The following PCDHGA4 variants were observed in gnomAD, a reference collection of about 807,000 sequenced individuals.
The protein encoded by PCDHGA4 is protocadherin gamma subfamily A, 4.
In PCDHGA4, 38 loss-of-function variants were observed where a neutral mutation model predicts 54.6. The observed-to-expected ratio is 0.70, with a 90% CI of 0.54 to 0.91. The LOEUF is 0.91. PCDHGA4 is among the 40% of genes least tolerant of loss of function. PCDHGA4 has a pLI of 0.00. For missense variants in PCDHGA4, 1,298 were observed against 1,220.9 expected (o/e 1.06, Z -0.94); for synonymous variants, 511 against 512.9 (o/e 1.00, Z 0.05).
chr5:141,403,210 C>A (rs369033480), intron 1 of PCDHGA4: 2 of 1,613,828 alleles, frequency 1.2e-6, no homozygotes, highest in African/African-American at 2.7e-5. Context: ...CCTTGGTCAC[C>A]GCGGGTAGGA....
At chr5:141,416,698 A>G (rs2096053724) in intron 1 of PCDHGA4, 1 of 152,250 alleles carries the variant, frequency 6.6e-6, no homozygotes, top group Non-Finnish European at 1.5e-5. Context: ...TAAACAAAGG[A>G]TCATTGGAGG....
chr5:141,376,710 C>A lies in PCDHGA4; in HGVS notation c.2514+19089C>A, dbSNP rs967144900. 118 of 619,882 alleles carry A rather than the reference C, an allele frequency of 1.9e-4. No individual in the cohort carries two copies. The East Asian group carries it at 3.7e-3, about 19-fold the overall frequency. 38.4% of individuals were successfully genotyped at this position (619,882 alleles called of 1,614,324 possible). Reference sequence around the variant, plus strand: ...TTTTTTTTTTTTTGAGACGGAGTCTCGCTCTGTCGCCCAGGCCGGACTGCG... The same window carrying A: ...TTTTTTTTTTTTTGAGACGGAGTCTAGCTCTGTCGCCCAGGCCGGACTGCG... On this transcript the variant is annotated intron_variant, in intron 1 of 3. Transcript: ENST00000571252.
chr5:141,427,224 A>G (rs1269896138), intron 1 of PCDHGA4: 1 of 456,768 alleles, frequency 2.2e-6, no homozygotes, highest in East Asian at 6.9e-5. Context: ...TAGCAGTTAT[A>G]CCATGAGAGT....
chr5:141,443,308 C>T (rs1484035480), intron 1 of PCDHGA4, among the ~76,000 whole-genome samples: 7 of 136,252 alleles, frequency 5.1e-5, no homozygotes, highest in African/African-American at 2.2e-4. Context: ...TGGCAAAAAC[C>T]CATCTCTACA....
chr5:141,371,799 GCCT>G, intron 1 of PCDHGA4: 21 of 1,613,926 alleles, frequency 1.3e-5, no homozygotes, highest in Non-Finnish European at 1.7e-5. Context: ...TCCGCCTGGA[GCCT>G]CCATTGCGCA....
At chr5:141,372,605 T>G in intron 1 of PCDHGA4, 5 of 1,614,050 alleles carry the variant, frequency 3.1e-6, no homozygotes, top group Non-Finnish European at 4.2e-6. Flanking sequence ...AGACTGTACC[T>G]GGAGTTCTCC....
chr5:141,366,115 C>T (rs1764340105), intron 1 of PCDHGA4: 1 of 1,614,120 alleles, frequency 6.2e-7, no homozygotes, highest in Non-Finnish European at 8.5e-7. Context: ...TAGCGGTGGA[C>T]AAAGATTCAG....
rs765535731 is a variant in PCDHGA4, at chr5:141,427,976, G to T, written c.2515-66831G>T. On this transcript the variant is annotated intron_variant, in intron 1 of 3. Transcript: ENST00000571252. ...ATGTGCCGCGGGTGCTGTACCCCGC[G>T]CTGGGGCCCGATGGCTCCGCACTCT... 1.1e-5 allele frequency: 17 copies of T among 1,594,884 alleles called. No individual in the cohort carries two copies. The East Asian group carries it at 1.6e-4, about 15-fold the overall frequency.
chr5:141,365,591 A>C (rs1341115050), intron 1 of PCDHGA4: 1 of 1,613,546 alleles, frequency 6.2e-7, no homozygotes, highest in African/African-American at 1.3e-5. Context: ...TTATAATATC[A>C]CTTTAACCGT....
Position 141,491,987 on chromosome 5 carries a change from T to A in PCDHGA4, c.2515-2820T>A. The A allele has an allele frequency of 1.4e-6, 1 of 736,922 alleles. No individual in the cohort carries two copies. The highest frequency in any genetic ancestry group is 2.0e-6 in the Non-Finnish European group (1 of 490,378). The allele number at this position is 736,922 out of a possible 1,614,324, so 45.6% of individuals were successfully genotyped here. On this transcript the variant is annotated intron_variant, in intron 1 of 3. Coordinates refer to ENST00000571252, the MANE Select transcript of PCDHGA4 (RefSeq NM_018917.4). The surrounding 1 kb of genome is among the most constrained non-coding windows in gnomAD (Gnocchi z 6.9). ...GCCGGGGCCTCCTTCGAGCTTCCGG[T>A]GAATTTCGGGCGATTTCCGCGGGTG...
rs764070772 is a variant in PCDHGA4, at chr5:141,476,415, C to T, written c.2515-18392C>T. ...CTGGATCGAGAGGAGCTGTGTGGGACACTGCCCTCTTGCACTGTAACTCTG... is the reference window on the plus strand; with the variant it reads ...CTGGATCGAGAGGAGCTGTGTGGGATACTGCCCTCTTGCACTGTAACTCTG... On this transcript the variant is annotated intron_variant, in intron 1 of 3. Transcript: ENST00000571252. This position sits in a 1 kb window ranked among gnomAD's most constrained non-coding sequence, Gnocchi z 7.6. 2.5e-6 allele frequency: 4 copies of T among 1,614,098 alleles called. No homozygotes were observed. The South Asian group carries it at 4.4e-5, about 18-fold the overall frequency.
chr5:141,400,267 T>C (rs749494967), intron 1 of PCDHGA4: 4 of 1,614,030 alleles, frequency 2.5e-6, no homozygotes, highest in Middle Eastern at 1.6e-4. Context: ...CCTGCGACGC[T>C]CCTCCAGCCC....
In PCDHGA4 at chr5:141,375,076, G is replaced by A. The variant is rs1338311528; in HGVS notation, c.2514+17455G>A. 6 of 1,613,892 alleles carry A rather than the reference G, an allele frequency of 3.7e-6. No homozygotes were observed. In the African/African-American group the frequency reaches 5.3e-5, roughly 14 times the overall value. On this transcript the variant is annotated intron_variant, in intron 1 of 3. Coordinates refer to ENST00000571252, the MANE Select transcript of PCDHGA4 (RefSeq NM_018917.4). Reference sequence around the variant, plus strand: ...ATGGGCCAGGTCTTCGAGACAGAGCGAAAGTCTTAATAACTATCTTGGATG... The same window carrying A: ...ATGGGCCAGGTCTTCGAGACAGAGCAAAAGTCTTAATAACTATCTTGGATG...
chr5:141,496,215 T>C (rs2099767024), intron 2 of PCDHGA4, among the ~76,000 whole-genome samples: 3 of 152,114 alleles, frequency 2.0e-5, no homozygotes, highest in Non-Finnish European at 4.4e-5. Context: ...TATGAATTCC[T>C]GCTGAGACAG....
intron 1 of PCDHGA4, chr5:141,366,565 G>T: frequency 1.2e-6 from 2 of 1,614,252 alleles, no homozygotes; most frequent in Non-Finnish European, 1.7e-6. Context: ...GCGTGGATGG[G>T]GTTCGGGCTT....
At chr5:141,470,694 A>T (rs763715272) in intron 1 of PCDHGA4, among the ~76,000 whole-genome samples, 1 of 151,978 alleles carries the variant, frequency 6.6e-6, no homozygotes, top group African/African-American at 2.4e-5. Flanking sequence ...GAAATTCTTA[A>T]TAATTTTTAT....
chr5:141,446,353 T>C (rs1278613929), intron 1 of PCDHGA4, among the ~76,000 whole-genome samples: 2 of 152,176 alleles, frequency 1.3e-5, no homozygotes, highest in Non-Finnish European at 2.9e-5. Flanking sequence ...AAGCTACCAT[T>C]TGATGAGAAT....
intron 1 of PCDHGA4, among the ~76,000 whole-genome samples, chr5:141,357,979 C>G (rs554928624): frequency 2.0e-5 from 3 of 152,236 alleles, no homozygotes; most frequent in African/African-American, 7.2e-5. Flanking sequence ...TGCCTGAGCT[C>G]AGGAGTTCGA....
At chr5:141,419,443 C>A in intron 1 of PCDHGA4, 1 of 1,613,080 alleles carries the variant, frequency 6.2e-7, no homozygotes, top group Non-Finnish European at 8.5e-7. Context: ...TGCGCACCTT[C>A]GAGCTCACGC....
Sources: allele counts gnomAD v4.1 joint callset (sites outside exome capture counted in the v4.1 genomes callset), GRCh38; gene constraint gnomAD v4.1.1; non-coding constraint Gnocchi (gnomAD v3.1); transcripts MANE v1.5; gene names NCBI Gene and HGNC (gene_info 2026-07-23, HGNC 2026-07-21).